Variants in FOLH1 observed in about 807,000 individuals in gnomAD.
The protein encoded by FOLH1 is folate hydrolase 1, also known as glutamate carboxypeptidase 2.
FOLH1 carries 54 observed loss-of-function variants against 93.9 expected under a neutral mutation model. The observed-to-expected ratio is 0.57, with a 90% CI of 0.46 to 0.72. The LOEUF is 0.72. Among genes scored for constraint, FOLH1 ranks in the 30% least tolerant of loss-of-function variants. The pLI, the probability that FOLH1 is intolerant of heterozygous loss-of-function variation, is 0.00. For synonymous variants in FOLH1, 249 were observed against 303.6 expected (o/e 0.82, Z 1.87); for missense variants, 571 against 892.5 (o/e 0.64, Z 4.59).
chr11:49,174,948 T>G lies in FOLH1; in HGVS notation c.1049A>C (p.Asn350Thr). The G allele has an allele frequency of 1.2e-6, 2 of 1,610,962 alleles. No homozygotes were observed. Among genetic ancestry groups the G allele is most frequent in the Non-Finnish European group, 1.7e-6 (2 of 1,178,258 alleles). Residue 350 changes from asparagine to threonine, a missense_variant, in exon 9 of 19, where the codon AAT becomes ACT. Physicochemically the swap from Asn to Thr is moderately conservative, Grantham distance 65. This residue lies in a region of FOLH1 where 500 missense variants were observed against 822.9 expected (regional missense o/e 0.61). Transcript: ENST00000256999. ...CACATTGTAAATTCTTGTCACTTCA[T>G]TGGTAGAGTGGATGTGCATCTTGAC... ...QKVKMHIHST[N>T]EVTRIYNVIG...
intron 9 of FOLH1, among the ~76,000 whole-genome samples, chr11:49,174,133 C>T (rs1200420254): frequency 6.6e-6 from 1 of 152,112 alleles, no homozygotes; most frequent in Non-Finnish European, 1.5e-5. Context: ...TATCATGGAA[C>T]TGGCACAAAA....
chr11:49,174,009 C>T (rs371382736), intron 9 of FOLH1, among the ~76,000 whole-genome samples: 1 of 152,116 alleles, frequency 6.6e-6, no homozygotes, highest in East Asian at 1.9e-4. Flanking sequence ...TTTGCCTACC[C>T]AGCTCTCAGG....
rs1259493988 is a variant in FOLH1 at position 49,208,602 on chromosome 11, T to C, written c.-193A>G. ...CCACAGCAGTGTTTCTAGAGTGCAC[T>C]GAACCAATCCGAGCGAGAGAGAGAG... On this transcript the variant is annotated 5_prime_UTR_variant, in exon 1 of 19. Transcript: ENST00000256999. 5.0e-6 allele frequency: 2 copies of C among 402,974 alleles called. No individual in the cohort carries two copies. The highest frequency in any genetic ancestry group is 8.8e-6 in the Non-Finnish European group (2 of 227,812). 25.0% of individuals were successfully genotyped at this position (402,974 alleles called of 1,614,324 possible).
chr11:49,186,546 G>T lies in FOLH1; in HGVS notation c.639+98C>A, dbSNP rs1565191170. On this transcript the variant is annotated intron_variant, in intron 5 of 18. Coordinates refer to ENST00000256999, the MANE Select transcript of FOLH1 (RefSeq NM_004476.3). ...TGTCACAGAATACAAGAAAATAATG[G>T]TATTCATAAAGTTTTAAGAAAATGA... The T allele has an allele frequency of 6.0e-6, 8 of 1,324,024 alleles. No homozygotes were observed. The East Asian group carries it at 1.9e-4, about 31-fold the overall frequency. 82.0% of individuals were successfully genotyped at this position (1,324,024 alleles called of 1,614,324 possible).
chr11:49,170,281 C>T (rs947457280), intron 11 of FOLH1, among the ~76,000 whole-genome samples: 5 of 152,122 alleles, frequency 3.3e-5, no homozygotes, highest in African/African-American at 1.2e-4. Flanking sequence ...CATAATTTAA[C>T]ATAGAGCAGG....
intron 12 of FOLH1, 97 bp from the exon 13 acceptor site, chr11:49,164,869 T>G: frequency 1.0e-6 from 1 of 972,452 alleles, no homozygotes; most frequent in African/African-American, 1.7e-5. Context: ...AATGATTGTT[T>G]TAAAACCTGA....
chr11:49,154,102 A>G (rs1360113343), intron 16 of FOLH1, 126 bp downstream of exon 16: 4 of 1,418,440 alleles, frequency 2.8e-6, no homozygotes, highest in Non-Finnish European at 3.8e-6. Flanking sequence ...ACATTTATAG[A>G]CATAAACAGA....
intron 7 of FOLH1, among the ~76,000 whole-genome samples, chr11:49,177,311 C>A (rs1050146636): frequency 1.3e-5 from 2 of 151,836 alleles, no homozygotes; most frequent in Admixed American, 1.3e-4. Context: ...TAAAATGCCA[C>A]GTATAAAGCA....
intron 15 of FOLH1, among the ~76,000 whole-genome samples, chr11:49,156,194 TTTAAATGA>T (rs1289402118): frequency 6.6e-6 from 1 of 152,028 alleles, no homozygotes; most frequent in Admixed American, 6.6e-5. Context: ...ATATTTCCCT[TTTAAATGA>T]CCCAGTCTCG....
At chr11:49,185,994 A>T (rs1861319189) in intron 5 of FOLH1, 139 bp from the exon 6 acceptor site, 1 of 1,116,720 alleles carries the variant, frequency 9.0e-7, no homozygotes, top group Non-Finnish European at 1.2e-6. Flanking sequence ...AACAAAGGAC[A>T]TCTCGGATAG....
intron 1 of FOLH1, chr11:49,207,625 A>G (rs1218495832): frequency 6.2e-6 from 2 of 322,586 alleles, no homozygotes; most frequent in Non-Finnish European, 1.2e-5. Context: ...ATTATTTACT[A>G]TTACCAATAA....
At chr11:49,186,523 T>C (rs1041625133) in intron 5 of FOLH1, 121 bp downstream of exon 5, 2 of 1,193,716 alleles carry the variant, frequency 1.7e-6, no homozygotes, top group African/African-American at 3.1e-5. Context: ...GGTGGGCATG[T>C]CACAGAATAC....
In FOLH1 at chr11:49,154,997, C is replaced by A. The variant is rs532359193; in HGVS notation, c.1624-505G>T. On this transcript the variant is annotated intron_variant, in intron 15 of 18. Coordinates refer to ENST00000256999, the MANE Select transcript of FOLH1 (RefSeq NM_004476.3). ...AGTGGTGAGGGGTGCAGTAGTGGATCCAAAATCTCACTAAGGAGAGAGAAG... is the reference window on the plus strand; with the variant it reads ...AGTGGTGAGGGGTGCAGTAGTGGATACAAAATCTCACTAAGGAGAGAGAAG... Among the ~76,000 whole-genome samples, 16 of 151,904 alleles carry A rather than the reference C, an allele frequency of 1.1e-4. 1 individual carries two copies. The South Asian group carries it at 3.3e-3, about 32-fold the overall frequency.
chr11:49,200,572 T>G (rs1863158976), intron 2 of FOLH1, 131 bp from the exon 3 acceptor site: 1 of 916,790 alleles, frequency 1.1e-6, no homozygotes, highest in Non-Finnish European at 1.6e-6. Context: ...AGTGGTAGTA[T>G]TATTGCATGA....
At chr11:49,157,222 T>C (rs1857129300) in intron 14 of FOLH1, among the ~76,000 whole-genome samples, 2 of 152,088 alleles carry the variant, frequency 1.3e-5, no homozygotes, top group African/African-American at 4.8e-5. Flanking sequence ...TTTATTCTTC[T>C]TCCCTTGCTT....
chr11:49,201,149 A>T (rs1246313146), intron 2 of FOLH1, among the ~76,000 whole-genome samples: 1 of 151,574 alleles, frequency 6.6e-6, no homozygotes, highest in African/African-American at 2.4e-5. Flanking sequence ...TGATTGTTTT[A>T]AATTTCTCCC....
rs1855739836 is a variant in FOLH1 at position 49,145,351 on chromosome 11, G to A, written c.*1405C>T. Among the ~76,000 whole-genome samples the A allele has an allele frequency of 2.0e-5, 3 of 152,190 alleles. No homozygotes were observed. The highest frequency in any genetic ancestry group is 4.2e-4 in the South Asian group (2 of 4,818). On this transcript the variant is annotated 3_prime_UTR_variant, in exon 19 of 19. Transcript: ENST00000256999. ...AAATGACATCTCCAGCATCTGACAC[G>A]GAGGGCATACAGAGCTACACCAGTG...
intron 13 of FOLH1, among the ~76,000 whole-genome samples, chr11:49,160,619 T>A (rs1223153235): frequency 6.6e-6 from 1 of 152,088 alleles, no homozygotes; most frequent in Non-Finnish European, 1.5e-5. Flanking sequence ...ATTTTTTGTA[T>A]TTTTAGTAGA....
At chr11:49,200,065 A>C (rs944303578) in intron 3 of FOLH1, among the ~76,000 whole-genome samples, 190 bp downstream of exon 3, 4 of 152,216 alleles carry the variant, frequency 2.6e-5, no homozygotes, top group African/African-American at 9.6e-5. Flanking sequence ...ATCTTTCTAA[A>C]ACACAGTAAA....
Sources: allele counts gnomAD v4.1 joint callset (sites outside exome capture counted in the v4.1 genomes callset), GRCh38; gene constraint gnomAD v4.1.1; regional missense constraint gnomAD v4.1.1; transcripts MANE v1.5; gene names NCBI Gene and HGNC (gene_info 2026-07-23, HGNC 2026-07-21).